Variants in SLC25A21 observed in about 807,000 individuals in gnomAD.
SLC25A21 encodes solute carrier family 25 member 21, also known as mitochondrial 2-oxodicarboxylate carrier.
SLC25A21 carries 47 observed loss-of-function variants against 43.8 expected under a neutral mutation model. That is an observed-to-expected ratio of 1.07 (90% CI 0.85 to 1.37). The LOEUF (loss-of-function observed/expected upper bound fraction) is 1.37. Ranked by LOEUF, SLC25A21 falls within the 40% of genes most tolerant of loss-of-function variation. The probability of loss-of-function intolerance (pLI) is 0.00; values close to 1 mark genes in which losing one functional copy is unlikely to be tolerated. For missense variants in SLC25A21, 352 were observed against 350.2 expected, an observed-to-expected ratio of 1.00 and a Z score of -0.04; for synonymous variants, 131 against 121.3, an observed-to-expected ratio of 1.08 and a Z score of -0.52.
intron 1 of SLC25A21, among the ~76,000 whole-genome samples, chr14:36,879,456 T>C (rs932684401): frequency 1.3e-5 from 2 of 152,152 alleles, no homozygotes; most frequent in African/African-American, 4.8e-5. Context: ...AAATTTAATA[T>C]ATTGTAAATG....
chr14:36,707,012 T>C lies in SLC25A21; in HGVS notation c.603+4306A>G, dbSNP rs75522929. ...GTGTGGCCTACAAGGGCCAGTATGATCTGATCCCCTTGTGTCTCTCTAGCA... is the reference window on the plus strand; with the variant it reads ...GTGTGGCCTACAAGGGCCAGTATGACCTGATCCCCTTGTGTCTCTCTAGCA... On this transcript the variant is annotated intron_variant, in intron 7 of 9. Transcript: ENST00000331299. 9.7e-3 allele frequency among the ~76,000 whole-genome samples: 1,478 copies of C among 152,310 alleles called. 27 individuals carry two copies. The highest frequency in any genetic ancestry group is 0.033 in the African/African-American group (1,386 of 41,566).
At chr14:36,718,616 C>T (rs1594519801) in intron 6 of SLC25A21, among the ~76,000 whole-genome samples, 3 of 152,146 alleles carry the variant, frequency 2.0e-5, no homozygotes, top group Admixed American at 2.0e-4. Flanking sequence ...TGTTGATCTT[C>T]TATGGAGAAC....
At chr14:36,895,878 A>T (rs1302600047) in intron 1 of SLC25A21, among the ~76,000 whole-genome samples, 1 of 152,210 alleles carries the variant, frequency 6.6e-6, no homozygotes, top group Non-Finnish European at 1.5e-5. Context: ...CCTGAGTTCT[A>T]GTTTCATTGC....
intron 7 of SLC25A21, among the ~76,000 whole-genome samples, chr14:36,698,401 T>C (rs1883132822): frequency 6.6e-6 from 1 of 152,204 alleles, no homozygotes; most frequent in African/African-American, 2.4e-5. Context: ...TTGGGGTTGC[T>C]CTTCTTGAGG....
At chr14:36,935,785 T>A (rs755775630) in intron 1 of SLC25A21, among the ~76,000 whole-genome samples, 11 of 152,240 alleles carry the variant, frequency 7.2e-5, no homozygotes, top group Middle Eastern at 3.4e-3. Context: ...TCCCCAAAAG[T>A]GTATATATGG....
chr14:37,086,160 GTTT>G (rs754163767), intron 1 of SLC25A21, among the ~76,000 whole-genome samples: 3 of 151,714 alleles, frequency 2.0e-5, no homozygotes, highest in African/African-American at 7.3e-5. Flanking sequence ...GGGGCCTGGG[GTTT>G]TTTTTATTAT....
chr14:37,116,045 C>T (rs2138883683), intron 1 of SLC25A21, among the ~76,000 whole-genome samples: 1 of 152,048 alleles, frequency 6.6e-6, no homozygotes, highest in South Asian at 2.1e-4. Context: ...AACAATCCTG[C>T]TTTAACAGAA....
rs575696091 is a variant in SLC25A21, at chr14:36,862,402, A to C, written c.119+12554T>G. Among the ~76,000 whole-genome samples, 10 of 152,358 alleles carry C rather than the reference A, an allele frequency of 6.6e-5. No homozygotes were observed. The East Asian group carries it at 1.9e-3, about 29-fold the overall frequency. ...AGACTGGATTAAGCAAATGTGGCAC[A>C]TATACACCATGGAATACTATGCAGC... On this transcript the variant is annotated intron_variant, in intron 2 of 9. Transcript: ENST00000331299.
chr14:37,062,168 A>C (rs1481419772), intron 1 of SLC25A21, among the ~76,000 whole-genome samples: 1 of 152,238 alleles, frequency 6.6e-6, no homozygotes, highest in Non-Finnish European at 1.5e-5. Flanking sequence ...TTTCATTTTA[A>C]CTACATATGG....
At chr14:36,812,555 A>G (rs1400331441) in intron 3 of SLC25A21, among the ~76,000 whole-genome samples, 1 of 151,528 alleles carries the variant, frequency 6.6e-6, no homozygotes, top group African/African-American at 2.4e-5. Flanking sequence ...TTATTGCACT[A>G]TTGTTTATAA....
intron 1 of SLC25A21, among the ~76,000 whole-genome samples, chr14:37,158,320 TAAAA>T (rs1320791297): frequency 4.5e-4 from 69 of 152,076 alleles, no homozygotes; most frequent in African/African-American, 1.6e-3. Context: ...AACATAGACA[TAAAA>T]ATCCTCAACA....
intron 7 of SLC25A21, among the ~76,000 whole-genome samples, chr14:36,693,835 C>A (rs1022972765): frequency 6.6e-6 from 1 of 151,976 alleles, no homozygotes; most frequent in African/African-American, 2.4e-5. Context: ...GGAGAGACAG[C>A]GTCTCACTAT....
intron 1 of SLC25A21, among the ~76,000 whole-genome samples, chr14:37,085,416 C>T (rs11848819): frequency 6.6e-6 from 1 of 151,506 alleles, no homozygotes; most frequent in Admixed American, 6.5e-5. Flanking sequence ...GTGAACAAAC[C>T]CTAAAAACTA....
intron 7 of SLC25A21, 22 bp from the exon 8 acceptor site, chr14:36,684,947 A>G (rs1188169566): frequency 5.0e-6 from 8 of 1,598,530 alleles, no homozygotes; most frequent in Admixed American, 1.8e-5. Context: ...GAAGAATAAT[A>G]TAACAGAAAG....
chr14:36,787,000 C>T (rs918530905), intron 3 of SLC25A21, among the ~76,000 whole-genome samples: 6 of 152,280 alleles, frequency 3.9e-5, no homozygotes, highest in East Asian at 1.9e-4. Context: ...TGATTTTTCT[C>T]GCTTGAGGGT....
chr14:36,930,874 T>G (rs1892267822), intron 1 of SLC25A21, among the ~76,000 whole-genome samples: 1 of 152,064 alleles, frequency 6.6e-6, no homozygotes, highest in Non-Finnish European at 1.5e-5. Context: ...CTGAGAGAGT[T>G]AAGTATTTCC....
intron 1 of SLC25A21, among the ~76,000 whole-genome samples, chr14:37,095,816 A>ATG (rs1555346614): frequency 2.9e-4 from 10 of 34,786 alleles, no homozygotes; most frequent in Non-Finnish European, 7.5e-4. Context: ...ACACACGCGC[A>ATG]CGCACACACA....
At chr14:36,790,074 A>G (rs1887429708) in intron 3 of SLC25A21, among the ~76,000 whole-genome samples, 1 of 149,648 alleles carries the variant, frequency 6.7e-6, no homozygotes, top group South Asian at 2.1e-4. Context: ...TGAGCTTTCA[A>G]CTTGAGGTTT....
intron 1 of SLC25A21, among the ~76,000 whole-genome samples, chr14:37,102,469 C>A (rs921996717): frequency 1.3e-5 from 2 of 151,418 alleles, no homozygotes; most frequent in Non-Finnish European, 2.9e-5. Flanking sequence ...AAATGTTTAT[C>A]CCTTTCTTCT....
Sources: gnomAD v4.1 joint callset for allele counts (sites outside exome capture counted in the v4.1 genomes callset) on GRCh38, gnomAD v4.1.1 for gene constraint, MANE v1.5 for transcripts, NCBI Gene and HGNC (gene_info 2026-07-23, HGNC 2026-07-21) for gene names.